Variants in CNTNAP2 observed in about 807,000 individuals in gnomAD.
The protein encoded by CNTNAP2 is contactin-associated protein-like 2.
A neutral mutation model predicts 155.2 loss-of-function variants in CNTNAP2; 98 were observed. That is an observed-to-expected ratio of 0.63 (90% confidence interval 0.54 to 0.75). The LOEUF is 0.75. CNTNAP2 is among the 30% of genes least tolerant of loss of function. The pLI is 0.00. For missense variants in CNTNAP2, 1,727 were observed against 1,688.1 expected (o/e 1.02, Z -0.40); for synonymous variants, 651 against 631.2 (o/e 1.03, Z -0.47).
chr7:146,563,313 G>T (rs1475349675), intron 1 of CNTNAP2, among the ~76,000 whole-genome samples: 9 of 151,706 alleles, frequency 5.9e-5, no homozygotes, highest in Non-Finnish European at 4.4e-5. Context: ...ATCCTTTAAG[G>T]CTAACTGAGA....
intron 1 of CNTNAP2, among the ~76,000 whole-genome samples, chr7:146,149,385 G>GCC (rs1397051843): frequency 6.6e-6 from 1 of 151,986 alleles, no homozygotes; most frequent in African/African-American, 2.4e-5. Flanking sequence ...ATCCTATGCT[G>GCC]TCATGTAAAT....
At chr7:147,910,236 C>G (rs1800037607) in intron 14 of CNTNAP2, among the ~76,000 whole-genome samples, 1 of 152,076 alleles carries the variant, frequency 6.6e-6, no homozygotes, top group Non-Finnish European at 1.5e-5. Flanking sequence ...TAGACTGCCT[C>G]TTACTCAAAG....
chr7:146,547,704 C>T (rs757720729), intron 1 of CNTNAP2, among the ~76,000 whole-genome samples: 11 of 151,910 alleles, frequency 7.2e-5, no homozygotes, highest in Non-Finnish European at 1.3e-4. Flanking sequence ...GTGCGCTCAT[C>T]CATTAATGAA....
intron 1 of CNTNAP2, among the ~76,000 whole-genome samples, chr7:146,430,428 T>C (rs1210466416): frequency 6.6e-6 from 1 of 152,070 alleles, no homozygotes; most frequent in African/African-American, 2.4e-5. Context: ...CCACTTGTAA[T>C]ATAATCTACC....
At chr7:147,940,624 T>A (rs1800702111) in intron 14 of CNTNAP2, among the ~76,000 whole-genome samples, 1 of 152,146 alleles carries the variant, frequency 6.6e-6, no homozygotes, top group Non-Finnish European at 1.5e-5. Context: ...AGCCTTAACC[T>A]TCTGGGCTCA....
intron 12 of CNTNAP2, among the ~76,000 whole-genome samples, chr7:147,636,851 A>G (rs1263725905): frequency 2.0e-5 from 3 of 152,168 alleles, no homozygotes; most frequent in African/African-American, 7.2e-5. Context: ...TAGGGAGAAA[A>G]TTAAAGCAGG....
intron 11 of CNTNAP2, among the ~76,000 whole-genome samples, chr7:147,510,063 A>C (rs1245863433): frequency 6.6e-6 from 1 of 152,136 alleles, no homozygotes; most frequent in Admixed American, 6.5e-5. Context: ...TCTATAATAG[A>C]GTCATGGAAT....
chr7:146,157,676 G>A (rs549509678), intron 1 of CNTNAP2, among the ~76,000 whole-genome samples: 9 of 152,166 alleles, frequency 5.9e-5, no homozygotes, highest in African/African-American at 9.7e-5. Context: ...AGGTGGCAGC[G>A]AGACTGGGGG....
chr7:147,003,236 T>A (rs773408294), intron 3 of CNTNAP2, among the ~76,000 whole-genome samples: 2 of 152,024 alleles, frequency 1.3e-5, no homozygotes, highest in Non-Finnish European at 2.9e-5. Context: ...CCGATAGAAC[T>A]GAGTTCTCCA....
At chr7:148,116,840 T>A (rs1010812211) in intron 15 of CNTNAP2, among the ~76,000 whole-genome samples, 5 of 152,218 alleles carry the variant, frequency 3.3e-5, no homozygotes, top group African/African-American at 1.2e-4. Context: ...TGGAGTGCAC[T>A]TAGTTGATTC....
chr7:147,150,643 G>C (rs1191965927), intron 8 of CNTNAP2, among the ~76,000 whole-genome samples: 5 of 152,108 alleles, frequency 3.3e-5, no homozygotes, highest in African/African-American at 4.8e-5. Flanking sequence ...CTAGGCTAAT[G>C]CTCTTTGAAA....
At position 148,378,232 on chromosome 7, in the gene CNTNAP2, C is replaced by G. The variant is rs1798990626; in HGVS notation, c.3476-5417C>G. The stretch of plus-strand genomic sequence containing the variant: ...GCACAGTTGCGGGCCTCTGGCCCAT[C>G]CGAAGAGAGCAGGAACACACCTGGT... On this transcript the variant is annotated intron_variant, in intron 21 of 23. Transcript: ENST00000361727. Among the ~76,000 whole-genome samples the G allele has an allele frequency of 2.9e-5, 2 of 67,964 alleles. 1 individual carries two copies. The highest frequency in any genetic ancestry group is 8.3e-4 in the South Asian group (2 of 2,408). The allele number at this position is 67,964 out of a possible 152,430, so 44.6% of individuals were successfully genotyped here.
intron 1 of CNTNAP2, among the ~76,000 whole-genome samples, chr7:146,729,149 T>C (rs576725176): frequency 6.6e-6 from 1 of 152,326 alleles, no homozygotes; most frequent in Admixed American, 6.5e-5. Flanking sequence ...GTCTTTCCAT[T>C]GCTGACTAAG....
At chr7:147,892,551 T>TA (rs201539846) in intron 13 of CNTNAP2, among the ~76,000 whole-genome samples, 291 of 152,306 alleles carry the variant, frequency 1.9e-3, no homozygotes, top group African/African-American at 6.7e-3. Context: ...TATTCTTTAA[T>TA]ACTGCTCAGA....
At chr7:147,477,882 C>T (rs879427117) in intron 10 of CNTNAP2, among the ~76,000 whole-genome samples, 4 of 152,152 alleles carry the variant, frequency 2.6e-5, no homozygotes, top group Non-Finnish European at 5.9e-5. Context: ...AATGAACAAA[C>T]AAAGCTACAT....
At chr7:147,530,022 T>C (rs1043581590) in intron 11 of CNTNAP2, among the ~76,000 whole-genome samples, 4 of 152,132 alleles carry the variant, frequency 2.6e-5, no homozygotes, top group Admixed American at 2.6e-4. Context: ...ATCGTGGGGA[T>C]TGTGATGACA....
intron 15 of CNTNAP2, among the ~76,000 whole-genome samples, chr7:148,063,577 C>A (rs1182700865): frequency 6.7e-6 from 1 of 148,980 alleles, no homozygotes; most frequent in Non-Finnish European, 1.5e-5. Context: ...GATATTTTTT[C>A]TTTTTTTAAT....
chr7:146,721,385 T>C (rs1264122492), intron 1 of CNTNAP2, among the ~76,000 whole-genome samples: 4 of 128,794 alleles, frequency 3.1e-5, no homozygotes, highest in Non-Finnish European at 6.2e-5. Flanking sequence ...ACATTCTATA[T>C]ACATTCTATA....
intron 1 of CNTNAP2, among the ~76,000 whole-genome samples, chr7:146,565,047 C>T (rs1022948276): frequency 3.9e-5 from 6 of 151,962 alleles, no homozygotes; most frequent in African/African-American, 1.4e-4. Flanking sequence ...CTGCTTTTTC[C>T]TTTCACTCTA....
Sources: allele counts gnomAD v4.1 joint callset (sites outside exome capture counted in the v4.1 genomes callset), GRCh38; gene constraint gnomAD v4.1.1; transcripts MANE v1.5; gene names NCBI Gene and HGNC (gene_info 2026-07-23, HGNC 2026-07-21).